The following WDPCP variants were observed in gnomAD, a reference collection of about 807,000 sequenced individuals.
The protein encoded by WDPCP is WD repeat-containing and planar cell polarity effector protein fritz homolog.
In WDPCP, 71 loss-of-function variants were observed where a neutral mutation model predicts 93.1. The ratio of observed to expected loss-of-function variants is 0.76; its 90% CI spans 0.63 to 0.93. WDPCP has a LOEUF of 0.93. Ranked by LOEUF, WDPCP falls within the 40% of genes least tolerant of loss-of-function variation. The pLI, the probability that WDPCP is intolerant of heterozygous loss-of-function variation, is 0.00. For missense variants in WDPCP, 844 were observed against 887.4 expected, an observed-to-expected ratio of 0.95 and a Z score of 0.62; for synonymous variants, 315 against 315.0, an observed-to-expected ratio of 1.00 and a Z score of 0.00.
intron 1 of WDPCP, among the ~76,000 whole-genome samples, chr2:63,563,848 G>A (rs1000698523): frequency 6.6e-6 from 1 of 152,156 alleles, no homozygotes. Context: ...TCAGCCTCCA[G>A]AACTGTAAGA....
At chr2:63,409,649 A>C (rs1327198172) in intron 9 of WDPCP, among the ~76,000 whole-genome samples, 1 of 152,210 alleles carries the variant, frequency 6.6e-6, no homozygotes, top group African/African-American at 2.4e-5. Flanking sequence ...AATTCGAAAA[A>C]CGATAGAAGT....
chr2:63,498,250 A>G (rs1053849613), intron 1 of WDPCP, among the ~76,000 whole-genome samples: 1 of 152,210 alleles, frequency 6.6e-6, no homozygotes, highest in Non-Finnish European at 1.5e-5. Flanking sequence ...CATTGATGAC[A>G]GTCTCAGAAG....
At chr2:63,435,695 T>C (rs1697091659) in intron 8 of WDPCP, among the ~76,000 whole-genome samples, 2 of 152,126 alleles carry the variant, frequency 1.3e-5, no homozygotes, top group Non-Finnish European at 2.9e-5. Context: ...CAAGAGGGAA[T>C]GTAAAATAAA....
chr2:63,413,591 A>G (rs763792845), intron 9 of WDPCP, among the ~76,000 whole-genome samples: 1 of 152,096 alleles, frequency 6.6e-6, no homozygotes, highest in Non-Finnish European at 1.5e-5. Flanking sequence ...AGGTCAGGAG[A>G]TCGAGACCAT....
intron 1 of WDPCP, among the ~76,000 whole-genome samples, chr2:63,504,316 G>A (rs969201975): frequency 1.3e-4 from 17 of 135,848 alleles, no homozygotes; most frequent in Admixed American, 6.9e-4. Flanking sequence ...CTGAAATTAC[G>A]TACTAAATTG....
At chr2:63,525,326 T>C (rs1703248971) in intron 1 of WDPCP, among the ~76,000 whole-genome samples, 1 of 152,082 alleles carries the variant, frequency 6.6e-6, no homozygotes, top group Non-Finnish European at 1.5e-5. Context: ...CAAAATAATC[T>C]GTACACCAAA....
intron 13 of WDPCP, among the ~76,000 whole-genome samples, chr2:63,283,590 C>A: frequency 6.6e-6 from 1 of 152,162 alleles, no homozygotes. Flanking sequence ...CCTGCAGAGC[C>A]TGAAGTATTT....
At chr2:63,275,827 T>A (rs1259192919) in intron 13 of WDPCP, among the ~76,000 whole-genome samples, 1 of 152,166 alleles carries the variant, frequency 6.6e-6, no homozygotes, top group African/African-American at 2.4e-5. Flanking sequence ...AGATGGTGCA[T>A]AGGAGGCAGG....
chr2:63,764,687 A>C (rs1670112685), intron 2 of WDPCP, among the ~76,000 whole-genome samples: 1 of 152,128 alleles, frequency 6.6e-6, no homozygotes, highest in African/African-American at 2.4e-5. Flanking sequence ...TTGATGAGGA[A>C]TTTGTGCTGG....
chr2:63,726,775 G>T (rs1669502159), intron 2 of WDPCP, among the ~76,000 whole-genome samples: 1 of 152,100 alleles, frequency 6.6e-6, no homozygotes, highest in African/African-American at 2.4e-5. Context: ...TTAGCTATAT[G>T]TATTCCTAGG....
chr2:63,670,088 T>G (rs1182094039), intron 2 of WDPCP, among the ~76,000 whole-genome samples: 2 of 152,230 alleles, frequency 1.3e-5, no homozygotes, highest in African/African-American at 4.8e-5. Flanking sequence ...AGCTTACCAT[T>G]TCTCTGATAT....
intron 1 of WDPCP, among the ~76,000 whole-genome samples, chr2:63,575,427 A>C (rs1558832253): frequency 2.4e-5 from 2 of 83,886 alleles, no homozygotes; most frequent in African/African-American, 1.2e-4. Context: ...CACTGTATAC[A>C]GTGTATATAC....
At chr2:63,802,807 A>G (rs1304564439) in intron 2 of WDPCP, among the ~76,000 whole-genome samples, 1 of 152,204 alleles carries the variant, frequency 6.6e-6, no homozygotes, top group Non-Finnish European at 1.5e-5. Flanking sequence ...GTTCTGAAGA[A>G]TTCTAATTCT....
chr2:63,625,353 A>C (rs1709798563), intron 3 of WDPCP, among the ~76,000 whole-genome samples: 1 of 152,206 alleles, frequency 6.6e-6, no homozygotes, highest in Non-Finnish European at 1.5e-5. Context: ...GAAAGAAATA[A>C]AGGGTATTCA....
rs55755279 is a variant in WDPCP at position 63,693,439 on chromosome 2, TTAGATAGATAGA to T, written n.309-42613_309-42602del. On this transcript the variant is annotated intron_variant and non_coding_transcript_variant, in intron 2 of 4. Coordinates refer to the WDPCP transcript ENST00000467687. ...CTATAGACTACAGTAGATATAGATA[TTAGATAGATAGA>T]TAGATAGATAGATAGATAGATAGAT... 1.1e-3 allele frequency among the ~76,000 whole-genome samples: 164 copies of T among 145,526 alleles called. 1 individual carries two copies. The highest frequency in any genetic ancestry group is 3.1e-3 in the East Asian group (15 of 4,890).
At chr2:63,409,076 C>T (rs1040474285) in intron 9 of WDPCP, among the ~76,000 whole-genome samples, 7 of 152,192 alleles carry the variant, frequency 4.6e-5, no homozygotes, top group East Asian at 1.9e-4. Flanking sequence ...CGCCACCTCC[C>T]GGCAGGAGGC....
intron 2 of WDPCP, among the ~76,000 whole-genome samples, chr2:63,713,537 T>C (rs989260285): frequency 6.6e-6 from 1 of 152,216 alleles, no homozygotes; most frequent in Non-Finnish European, 1.5e-5. Context: ...ATTTCTACAA[T>C]AGGCAAATTA....
intron 14 of WDPCP, among the ~76,000 whole-genome samples, chr2:63,199,049 G>T (rs1675683657): frequency 6.6e-6 from 1 of 152,142 alleles, no homozygotes; most frequent in Non-Finnish European, 1.5e-5. Context: ...GGGGATCTGT[G>T]GAACTTTCAA....
intron 6 of WDPCP, among the ~76,000 whole-genome samples, chr2:63,453,424 C>G (rs1698398349): frequency 1.3e-5 from 2 of 152,126 alleles, no homozygotes; most frequent in African/African-American, 4.8e-5. Context: ...GAATGGCAAT[C>G]ATTAAAACGT....
Sources: allele counts gnomAD v4.1 joint callset (sites outside exome capture counted in the v4.1 genomes callset), GRCh38; gene constraint gnomAD v4.1.1; transcripts MANE v1.5; gene names NCBI Gene and HGNC (gene_info 2026-07-23, HGNC 2026-07-21).